The following ACER3 variants were observed in gnomAD, a reference collection of about 807,000 sequenced individuals.
ACER3 encodes alkaline ceramidase 3.
A neutral mutation model predicts 48.9 loss-of-function variants in ACER3; 16 were observed. The ratio of observed to expected loss-of-function variants is 0.33; its 90% CI spans 0.22 to 0.50. The LOEUF is 0.50. Among genes scored for constraint, ACER3 ranks in the 20% least tolerant of loss-of-function variants. ACER3 has a pLI of 0.98. For missense variants in ACER3, 227 were observed against 326.0 expected (o/e 0.70, Z 2.34); for synonymous variants, 109 against 107.8 (o/e 1.01, Z -0.07).
rs1944918577 is a variant in ACER3, at chr11:76,860,937, A to T, written c.-40A>T. The T allele has an allele frequency of 6.9e-7, 1 of 1,453,424 alleles. No individual in the cohort carries two copies. Among genetic ancestry groups the T allele is most frequent in the Admixed American group, 2.1e-5 (1 of 48,758 alleles). The allele number at this position is 1,453,424 out of a possible 1,614,324, so 90.0% of individuals were successfully genotyped here. A position where few individuals can be genotyped will look rare whatever the true frequency, so the allele number is the denominator to read the frequency against. On this transcript the variant is annotated 5_prime_UTR_variant, in exon 1 of 11. Coordinates refer to ENST00000532485, the MANE Select transcript of ACER3 (RefSeq NM_018367.7). The stretch of plus-strand genomic sequence containing the variant: ...GGCCTGGTCGCCAGCCTAACCCGGC[A>T]CAGTGAGCGGAGCGCCTGGGCGGCG...
chr11:77,000,249 A>T (rs1360380342), intron 7 of ACER3, among the ~76,000 whole-genome samples: 6 of 152,136 alleles, frequency 3.9e-5, no homozygotes, highest in African/African-American at 1.4e-4. Context: ...ATTTCTGCTC[A>T]TGTCTTTGCC....
intron 7 of ACER3, among the ~76,000 whole-genome samples, chr11:77,012,380 T>A (rs998742215): frequency 1.5e-5 from 2 of 136,870 alleles, no homozygotes; most frequent in Non-Finnish European, 3.0e-5. Flanking sequence ...ATTGAGCCAC[T>A]GTACTCCAGC....
intron 1 of ACER3, among the ~76,000 whole-genome samples, chr11:76,863,589 A>G (rs1275471656): frequency 6.6e-6 from 1 of 152,196 alleles, no homozygotes; most frequent in Admixed American, 6.5e-5. Flanking sequence ...TAATAATAAT[A>G]TGTTTAAAAT....
At chr11:76,911,519 C>A (rs189375276) in intron 1 of ACER3, among the ~76,000 whole-genome samples, 1 of 152,222 alleles carries the variant, frequency 6.6e-6, no homozygotes, top group Non-Finnish European at 1.5e-5. Flanking sequence ...CTGTCTTGTT[C>A]CGTGATTATG....
At chr11:77,017,962 T>TGG (rs1407460570) in intron 9 of ACER3, among the ~76,000 whole-genome samples, 61 of 68,174 alleles carry the variant, frequency 8.9e-4, no homozygotes, top group African/African-American at 2.3e-3. Context: ...TTTTTTTTTT[T>TGG]GGGAGACAGA....
chr11:76,969,513 C>G (rs1232615699), intron 3 of ACER3, among the ~76,000 whole-genome samples: 2 of 151,838 alleles, frequency 1.3e-5, no homozygotes, highest in Admixed American at 1.3e-4. Flanking sequence ...TATTGTGGCA[C>G]TATTCACAAT....
At chr11:77,012,713 C>G (rs1949295062) in intron 7 of ACER3, among the ~76,000 whole-genome samples, 1 of 152,098 alleles carries the variant, frequency 6.6e-6, no homozygotes, top group African/African-American at 2.4e-5. Flanking sequence ...TTATAAACTT[C>G]AATATTGTTA....
chr11:76,982,481 C>T (rs557104133), intron 4 of ACER3, among the ~76,000 whole-genome samples: 1 of 152,098 alleles, frequency 6.6e-6, no homozygotes, highest in Admixed American at 6.5e-5. Flanking sequence ...TCCCAAAGTG[C>T]TGGGATTACA....
chr11:76,991,668 T>G (rs1415888830), intron 6 of ACER3, among the ~76,000 whole-genome samples: 3 of 151,692 alleles, frequency 2.0e-5, no homozygotes, highest in African/African-American at 7.3e-5. Context: ...ATACAAAAAT[T>G]AGCTGGGCAT....
intron 1 of ACER3, among the ~76,000 whole-genome samples, chr11:76,908,044 T>A (rs1946278775): frequency 6.6e-6 from 1 of 152,176 alleles, no homozygotes; most frequent in Non-Finnish European, 1.5e-5. Flanking sequence ...GAGACCAGCC[T>A]GGCCAACATG....
chr11:76,926,359 GA>G (rs1272498552), intron 1 of ACER3, among the ~76,000 whole-genome samples, 197 bp from the exon 2 acceptor site: 1 of 152,080 alleles, frequency 6.6e-6, no homozygotes, highest in African/African-American at 2.4e-5. Flanking sequence ...TCATTTGTCT[GA>G]AATATCTTTA....
At chr11:76,940,336 C>A (rs974455114) in intron 2 of ACER3, among the ~76,000 whole-genome samples, 1 of 151,862 alleles carries the variant, frequency 6.6e-6, no homozygotes, top group East Asian at 1.9e-4. Flanking sequence ...GTTAATAATG[C>A]GTAAACCTAA....
chr11:77,007,125 A>AG, intron 7 of ACER3, among the ~76,000 whole-genome samples: 1 of 151,512 alleles, frequency 6.6e-6, no homozygotes, highest in African/African-American at 2.4e-5. Flanking sequence ...AAAAAAAAAA[A>AG]AAACTTTAAA....
chr11:76,982,654 G>T lies in ACER3; in HGVS notation c.321-2989G>T, dbSNP rs550948332. 2.0e-5 allele frequency among the ~76,000 whole-genome samples: 3 copies of T among 152,156 alleles called. No individual in the cohort carries two copies. In the South Asian group the frequency reaches 6.2e-4, roughly 32 times the overall value. On this transcript the variant is annotated intron_variant, in intron 4 of 10. Transcript: ENST00000532485. ...GTCTTTTCATTTAATGTCTCTTGAA[G>T]AACAGAAGTTTTAAATTGTTATAAA...
At chr11:76,909,057 C>A (rs1453435622) in intron 1 of ACER3, among the ~76,000 whole-genome samples, 1 of 152,148 alleles carries the variant, frequency 6.6e-6, no homozygotes, top group Non-Finnish European at 1.5e-5. Context: ...GTTAGGAAAA[C>A]TGGCTAGCCA....
At chr11:76,927,003 A>T (rs1946847245) in intron 2 of ACER3, among the ~76,000 whole-genome samples, 1 of 152,144 alleles carries the variant, frequency 6.6e-6, no homozygotes, top group Non-Finnish European at 1.5e-5. Flanking sequence ...TACAGATAAA[A>T]TTAAAACTCC....
In ACER3 at chr11:77,020,427, C is replaced by A; in HGVS notation, c.*100C>A. ...TCTACAAGTTCAAATATGTCATGAC[C>A]ATCACAGCAGAGGAGTGACTTTCTG... On this transcript the variant is annotated 3_prime_UTR_variant, in exon 11 of 11. Transcript: ENST00000532485. 7.4e-7 allele frequency: 1 copy of A among 1,359,660 alleles called. No homozygotes were observed. Among genetic ancestry groups the A allele is most frequent in the Non-Finnish European group, 1.0e-6 (1 of 976,226 alleles). The allele number at this position is 1,359,660 out of a possible 1,614,324, so 84.2% of individuals were successfully genotyped here.
intron 1 of ACER3, among the ~76,000 whole-genome samples, chr11:76,922,147 G>C (rs1234412693): frequency 1.3e-5 from 2 of 152,074 alleles, no homozygotes; most frequent in Non-Finnish European, 2.9e-5. Context: ...TGTCAGGGTT[G>C]TCCTTACTCT....
chr11:76,939,083 TA>T (rs994960903), intron 2 of ACER3, among the ~76,000 whole-genome samples: 3 of 151,610 alleles, frequency 2.0e-5, no homozygotes, highest in Admixed American at 6.6e-5. Flanking sequence ...ACATGTGGTA[TA>T]AAAAAAATCC....
Sources: allele counts gnomAD v4.1 joint callset (sites outside exome capture counted in the v4.1 genomes callset), GRCh38; gene constraint gnomAD v4.1.1; transcripts MANE v1.5; gene names NCBI Gene and HGNC (gene_info 2026-07-23, HGNC 2026-07-21).